ZNF737: variants seen among roughly 807,000 people sequenced by gnomAD.
ZNF737 encodes zinc finger protein 737.
ZNF737 carries 13 observed loss-of-function variants against 11.7 expected under a neutral mutation model. The ratio of observed to expected loss-of-function variants is 1.11; its 90% CI spans 0.73 to 1.77. The LOEUF (loss-of-function observed/expected upper bound fraction) is 1.77, where lower values mean the gene tolerates loss of function less well. Ranked by LOEUF, ZNF737 falls within the 40% of genes most tolerant of loss-of-function variation. ZNF737 has a pLI of 0.00. For missense variants in ZNF737, 636 were observed against 638.0 expected (o/e 1.00, Z 0.03); for synonymous variants, 217 against 216.2 (o/e 1.00, Z -0.03).
Position 20,543,997 on chromosome 19 carries a change from G to C in ZNF737, c.*595C>G, listed in dbSNP as rs573463942. On this transcript the variant is annotated 3_prime_UTR_variant, in exon 4 of 4. Coordinates refer to ENST00000427401, the MANE Select transcript of ZNF737 (RefSeq NM_001159293.2). ...AAAAAAATTAGCTGGGCATGTTGGA[G>C]GACACCTGTAATCCCAGCTACTCAG... is the stretch of plus-strand genomic sequence containing the variant. 90 of 601,994 alleles carry C rather than the reference G, an allele frequency of 1.5e-4. No individual in the cohort carries two copies. In the African/African-American group the frequency reaches 1.8e-3, roughly 12 times the overall value. The allele number at this position is 601,994 out of a possible 1,614,324, so 37.3% of individuals were successfully genotyped here.
Position 20,539,208 on chromosome 19 carries a change from T to C in ZNF737, c.*5384A>G, listed in dbSNP as rs942783843. On this transcript the variant is annotated 3_prime_UTR_variant, in exon 4 of 4. Transcript: ENST00000427401. ...AGGAGGCTGAGGCGGAAGAATCACT[T>C]GAACCAGGGAGGTGGAGGTTGCAGT... 1.4e-6 allele frequency: 1 copy of C among 732,648 alleles called. No homozygotes were observed. The highest frequency in any genetic ancestry group is 6.2e-5 in the South Asian group (1 of 16,082). 45.4% of individuals were successfully genotyped at this position (732,648 alleles called of 1,614,324 possible). A position where few individuals can be genotyped will look rare whatever the true frequency, so the allele number is the denominator to read the frequency against.
chr19:20,535,268 A>T (rs1967929406), downstream of ZNF737, among the ~76,000 whole-genome samples: 1 of 151,942 alleles, frequency 6.6e-6, no homozygotes, highest in Admixed American at 6.6e-5. Flanking sequence ...ACAGAATGAG[A>T]CTCCATCTCA....
chr19:20,531,723 G>T (rs1967833708), downstream of ZNF737, among the ~76,000 whole-genome samples: 1 of 149,888 alleles, frequency 6.7e-6, no homozygotes, highest in South Asian at 2.2e-4. Context: ...CTCTCAAAGT[G>T]CTGGGCTTAC....
chr19:20,531,560 A>G (rs1363768861), downstream of ZNF737, among the ~76,000 whole-genome samples: 4 of 149,392 alleles, frequency 2.7e-5, no homozygotes, highest in African/African-American at 9.9e-5. Context: ...AGGTTCAACA[A>G]TTATCCTGCC....
chr19:20,532,716 C>A (rs1967860519), downstream of ZNF737, among the ~76,000 whole-genome samples: 1 of 150,002 alleles, frequency 6.7e-6, no homozygotes, highest in Non-Finnish European at 1.5e-5. Context: ...TATCTAGGAA[C>A]TGCCAGAAAT....
chr19:20,541,784 T>G lies in ZNF737; in HGVS notation c.*2808A>C, dbSNP rs781937677. Among the ~76,000 whole-genome samples, 9 of 152,162 alleles carry G rather than the reference T, an allele frequency of 5.9e-5. No homozygotes were observed. The highest frequency in any genetic ancestry group is 1.0e-4 in the Non-Finnish European group (7 of 68,036). On this transcript the variant is annotated 3_prime_UTR_variant, in exon 4 of 4. Coordinates refer to ENST00000427401, the MANE Select transcript of ZNF737 (RefSeq NM_001159293.2). The stretch of plus-strand genomic sequence containing the variant: ...ATCATAGAAATAATTCTGTAGTCAA[T>G]AACAATTTAATTGTACATTTTAAAA...
At chr19:20,549,929 CA>C (rs58715059) in intron 3 of ZNF737, among the ~76,000 whole-genome samples, 2,637 of 113,458 alleles carry the variant, frequency 0.023, 51 homozygotes, top group African/African-American at 0.068. Context: ...GACTCCATCT[CA>C]AAAAAAAAAA....
chr19:20,542,514 G>C lies in ZNF737; in HGVS notation c.*2078C>G. ...CCCAAAGTGCTGAAATTACAGGCAT[G>C]AGCCATCAAGCCCGGCCCTAACAGT... On this transcript the variant is annotated 3_prime_UTR_variant, in exon 4 of 4. Coordinates refer to ENST00000427401, the MANE Select transcript of ZNF737 (RefSeq NM_001159293.2). 1.0e-6 allele frequency: 1 copy of C among 975,006 alleles called. No homozygotes were observed. Among genetic ancestry groups the C allele is most frequent in the Non-Finnish European group, 1.2e-6 (1 of 820,534 alleles). The allele number at this position is 975,006 out of a possible 1,614,324, so 60.4% of individuals were successfully genotyped here. A position where few individuals can be genotyped will look rare whatever the true frequency, so the allele number is the denominator to read the frequency against.
rs1199357124 is a variant in ZNF737 at position 20,551,435 on chromosome 19, A to G, written c.226+1040T>C. ...CATGAGTGAAACCCCATCTCAAAAA[A>G]AAAAAAAAAAAAAAAGAAAGAAAGA... On this transcript the variant is annotated intron_variant, in intron 3 of 3. Coordinates refer to ENST00000427401, the MANE Select transcript of ZNF737 (RefSeq NM_001159293.2). Among the ~76,000 whole-genome samples the G allele has an allele frequency of 3.5e-4, 20 of 56,350 alleles. No homozygotes were observed. The Admixed American group carries it at 4.4e-3, about 12-fold the overall frequency. The allele number at this position is 56,350 out of a possible 152,430, so 37.0% of individuals were successfully genotyped here. A position where few individuals can be genotyped will look rare whatever the true frequency, so the allele number is the denominator to read the frequency against.
chr19:20,536,081 T>C (rs543652372), downstream of ZNF737: 1 of 985,258 alleles, frequency 1.0e-6, no homozygotes, highest in African/African-American at 1.7e-5. Flanking sequence ...TTCACTATTA[T>C]TCAATGTGGA....
chr19:20,532,919 C>A (rs547797043), downstream of ZNF737, among the ~76,000 whole-genome samples: 1 of 150,130 alleles, frequency 6.7e-6, no homozygotes, highest in African/African-American at 2.5e-5. Context: ...TTTTTCATTA[C>A]CATAAATACC....
chr19:20,565,282 CA>C (rs1291338872), intron 1 of ZNF737, among the ~76,000 whole-genome samples: 2 of 152,126 alleles, frequency 1.3e-5, no homozygotes, highest in Non-Finnish European at 2.9e-5. Context: ...CTCCACGGAC[CA>C]AAGCTCTTCC....
rs1487555140 is a variant in ZNF737, at chr19:20,540,720, C to T, written c.*3872G>A. ...GTTGCCATGAGCTGAGATCACGCCA[C>T]TGCTCTCCAGCCTGGAAGACAGAGC... is the stretch of plus-strand genomic sequence containing the variant. On this transcript the variant is annotated 3_prime_UTR_variant, in exon 4 of 4. Coordinates refer to ENST00000427401, the MANE Select transcript of ZNF737 (RefSeq NM_001159293.2). 4 of 765,236 alleles carry T rather than the reference C, an allele frequency of 5.2e-6. No homozygotes were observed. The highest frequency in any genetic ancestry group is 4.8e-6 in the Non-Finnish European group (3 of 629,704). 47.4% of individuals were successfully genotyped at this position (765,236 alleles called of 1,614,324 possible).
In ZNF737 at chr19:20,544,465, A is replaced by G; in HGVS notation, c.*127T>C. 6.6e-7 allele frequency: 1 copy of G among 1,506,978 alleles called. No homozygotes were observed. The allele number at this position is 1,506,978 out of a possible 1,614,324, so 93.4% of individuals were successfully genotyped here. A position where few individuals can be genotyped will look rare whatever the true frequency, so the allele number is the denominator to read the frequency against. On this transcript the variant is annotated 3_prime_UTR_variant, in exon 4 of 4. Coordinates refer to ENST00000427401, the MANE Select transcript of ZNF737 (RefSeq NM_001159293.2). ...CCGCATGAATTATCTAATGTCTACTAAGGTTTGAGGATGAAATAAAGGCTT... is the reference window on the plus strand; with the variant it reads ...CCGCATGAATTATCTAATGTCTACTGAGGTTTGAGGATGAAATAAAGGCTT...
chr19:20,551,822 T>C (rs1426956055), intron 3 of ZNF737, among the ~76,000 whole-genome samples: 2 of 151,312 alleles, frequency 1.3e-5, no homozygotes, highest in Non-Finnish European at 2.9e-5. Flanking sequence ...GAATAAATAT[T>C]ATTAAAGTTT....
the ZNF737 span, among the ~76,000 whole-genome samples, chr19:20,530,787 G>A: frequency 6.8e-6 from 1 of 147,894 alleles, no homozygotes; most frequent in African/African-American, 2.5e-5. Context: ...CAGATGATGG[G>A]CGGCCAGGCA....
Position 20,544,493 on chromosome 19 carries a change from C to T in ZNF737, c.*99G>A, listed in dbSNP as rs181930647. On this transcript the variant is annotated 3_prime_UTR_variant, in exon 4 of 4. Transcript: ENST00000427401. ...GTTTGAGGATGAAATAAAGGCTTTG[C>T]CACATTTATCACACTTGTACAGTTT... The T allele has an allele frequency of 1.3e-6, 2 of 1,526,148 alleles. No individual in the cohort carries two copies. Among genetic ancestry groups the T allele is most frequent in the African/African-American group, 1.4e-5 (1 of 71,938 alleles). 94.5% of individuals were successfully genotyped at this position (1,526,148 alleles called of 1,614,324 possible).
At chr19:20,531,941 C>T (rs1249714934), downstream of ZNF737, among the ~76,000 whole-genome samples, 1 of 150,140 alleles carries the variant, frequency 6.7e-6, no homozygotes, top group African/African-American at 2.5e-5. Flanking sequence ...TTAGCATGCA[C>T]TGAAGATGCT....
Position 20,541,471 on chromosome 19 carries a change from G to C in ZNF737, c.*3121C>G. On this transcript the variant is annotated 3_prime_UTR_variant, in exon 4 of 4. Coordinates refer to ENST00000427401, the MANE Select transcript of ZNF737 (RefSeq NM_001159293.2). ...TATTTTTATTTTATTTTTTGAGATG[G>C]AGACTCACTCTGTCAGCCAGGCTGG... 1 of 903,852 alleles carries C rather than the reference G, an allele frequency of 1.1e-6. No homozygotes were observed. Among genetic ancestry groups the C allele is most frequent in the Non-Finnish European group, 1.3e-6 (1 of 756,562 alleles). 56.0% of individuals were successfully genotyped at this position (903,852 alleles called of 1,614,324 possible).
Sources: allele counts gnomAD v4.1 joint callset (sites outside exome capture counted in the v4.1 genomes callset), GRCh38; gene constraint gnomAD v4.1.1; transcripts MANE v1.5; gene names NCBI Gene and HGNC (gene_info 2026-07-23, HGNC 2026-07-21).